CABLES1: variants seen among roughly 807,000 people sequenced by gnomAD.
The protein encoded by CABLES1 is Cdk5 and Abl enzyme substrate 1.
A neutral mutation model predicts 57.8 loss-of-function variants in CABLES1; 36 were observed. That is an observed-to-expected ratio of 0.62 (90% CI 0.48 to 0.82). CABLES1 has a LOEUF of 0.82. CABLES1 is among the 40% of genes least tolerant of loss of function. CABLES1 has a pLI of 0.00. For synonymous variants in CABLES1, 374 were observed against 363.0 expected, an observed-to-expected ratio of 1.03 and a Z score of -0.35; for missense variants, 767 against 836.6, an observed-to-expected ratio of 0.92 and a Z score of 1.03.
In CABLES1 at chr18:23,247,171, C is replaced by T. The variant is rs118154014; in HGVS notation, c.1447-5789C>T. On this transcript the variant is annotated intron_variant, in intron 7 of 9. Transcript: ENST00000256925. Reference sequence around the variant, plus strand: ...ACCCCCAGCACTAAAGAGAGGATGCCATCTCTTGGCATGGTTGGGAGGCCC... The same window carrying T: ...ACCCCCAGCACTAAAGAGAGGATGCTATCTCTTGGCATGGTTGGGAGGCCC... Among the ~76,000 whole-genome samples the T allele has an allele frequency of 5.1e-3, 771 of 152,368 alleles. 8 individuals carry two copies. The highest frequency in any genetic ancestry group is 0.023 in the South Asian group (112 of 4,826).
At chr18:23,188,743 A>G in intron 1 of CABLES1, 95 bp from the exon 2 acceptor site, 1 of 872,386 alleles carries the variant, frequency 1.1e-6, no homozygotes. Flanking sequence ...AACGGACTTC[A>G]TGTTTTTGTT....
Position 23,135,662 on chromosome 18 carries a change from C to T in CABLES1, c.-101C>T. 1.3e-5 allele frequency: 12 copies of T among 959,708 alleles called. No homozygotes were observed. The highest frequency in any genetic ancestry group is 1.5e-5 in the Non-Finnish European group (12 of 808,420). 59.4% of individuals were successfully genotyped at this position (959,708 alleles called of 1,614,324 possible). A position where few individuals can be genotyped will look rare whatever the true frequency, so the allele number is the denominator to read the frequency against. On this transcript the variant is annotated 5_prime_UTR_variant, in exon 1 of 10. Transcript: ENST00000256925. ...CCGCGCACGCCGCCCGATCCCCGCG[C>T]CCTACCCAGCCCGGGTCGCCGCCGC...
chr18:23,142,539 C>G (rs2046864040), intron 1 of CABLES1, among the ~76,000 whole-genome samples: 1 of 152,190 alleles, frequency 6.6e-6, no homozygotes, highest in South Asian at 2.1e-4. Flanking sequence ...CACAGAGTGA[C>G]CAGGGGGTGA....
chr18:23,236,575 G>A (rs999659418), intron 6 of CABLES1, among the ~76,000 whole-genome samples: 58 of 152,168 alleles, frequency 3.8e-4, no homozygotes, highest in African/African-American at 1.3e-3. Flanking sequence ...AAGCAGTGCC[G>A]TGTCTACTCT....
At chr18:23,205,192 T>TC (rs2047354332) in intron 3 of CABLES1, among the ~76,000 whole-genome samples, 1 of 142,808 alleles carries the variant, frequency 7.0e-6, no homozygotes, top group African/African-American at 2.6e-5. Context: ...TTTTTTTTTT[T>TC]TTTTTTTTTT....
chr18:23,196,031 A>G (rs1464712647), intron 3 of CABLES1, among the ~76,000 whole-genome samples: 2 of 152,224 alleles, frequency 1.3e-5, no homozygotes, highest in Non-Finnish European at 2.9e-5. Context: ...GCTAGCTGGC[A>G]CGGCACAAAG....
intron 7 of CABLES1, among the ~76,000 whole-genome samples, chr18:23,248,970 C>T (rs1358897151): frequency 6.6e-6 from 1 of 152,250 alleles, no homozygotes; most frequent in Non-Finnish European, 1.5e-5. Flanking sequence ...GCTGCAGCTG[C>T]CTGGGACCAG....
intron 4 of CABLES1, among the ~76,000 whole-genome samples, chr18:23,216,768 A>G (rs2047445310): frequency 6.6e-6 from 1 of 152,238 alleles, no homozygotes; most frequent in African/African-American, 2.4e-5. Flanking sequence ...CCTTGTGGAT[A>G]TGCGTGGCCC....
rs867309048 is a variant in CABLES1 at position 23,218,276 on chromosome 18, C to G, written c.1088+4222C>G. The stretch of plus-strand genomic sequence containing the variant: ...GCCTCCCACATCCTCACTTGCCCTG[C>G]CTCCCGCATCCTCACTTGCCCTGCC... On this transcript the variant is annotated intron_variant, in intron 4 of 9. Coordinates refer to ENST00000256925, the MANE Select transcript of CABLES1 (RefSeq NM_001100619.3). Among the ~76,000 whole-genome samples the G allele has an allele frequency of 3.6e-3, 515 of 144,506 alleles. 1 individual carries two copies. Among genetic ancestry groups the G allele is most frequent in the South Asian group, 6.7e-3 (30 of 4,456 alleles). The allele number at this position is 144,506 out of a possible 152,430, so 94.8% of individuals were successfully genotyped here. A position where few individuals can be genotyped will look rare whatever the true frequency, so the allele number is the denominator to read the frequency against.
chr18:23,237,803 A>G (rs906384858), intron 7 of CABLES1, among the ~76,000 whole-genome samples: 6 of 152,178 alleles, frequency 3.9e-5, no homozygotes, highest in Non-Finnish European at 8.8e-5. Flanking sequence ...TCGGCTGACC[A>G]CTGTTTCCCA....
intron 1 of CABLES1, among the ~76,000 whole-genome samples, chr18:23,139,235 C>G (rs2046842552): frequency 1.3e-5 from 2 of 151,904 alleles, no homozygotes; most frequent in South Asian, 2.1e-4. Flanking sequence ...AACCCCATCT[C>G]TACTAAAAAT....
At chr18:23,242,450 C>G (rs947802264) in intron 7 of CABLES1, among the ~76,000 whole-genome samples, 2 of 152,162 alleles carry the variant, frequency 1.3e-5, no homozygotes, top group African/African-American at 4.8e-5. Context: ...GCTTCCAGCT[C>G]TCTGCACCTC....
At chr18:23,253,658 G>C in intron 8 of CABLES1, 71 bp from the exon 9 acceptor site, 1 of 1,255,794 alleles carries the variant, frequency 8.0e-7, no homozygotes, top group Non-Finnish European at 1.1e-6. Context: ...CATTCAAGAT[G>C]GGGGAGTTTT....
At chr18:23,188,390 G>C (rs1474745397) in intron 1 of CABLES1, among the ~76,000 whole-genome samples, 1 of 152,142 alleles carries the variant, frequency 6.6e-6, no homozygotes, top group East Asian at 1.9e-4. Context: ...TAATGATTTT[G>C]AAGTTGTTTT....
intron 4 of CABLES1, among the ~76,000 whole-genome samples, chr18:23,231,636 TGTG>T (rs1372794068): frequency 6.6e-6 from 1 of 152,238 alleles, no homozygotes; most frequent in African/African-American, 2.4e-5. Flanking sequence ...CCGTCTTTCT[TGTG>T]GTCCCAAGTG....
chr18:23,197,731 T>G (rs1201186838), intron 3 of CABLES1: 1 of 152,190 alleles, frequency 6.6e-6, no homozygotes, highest in Non-Finnish European at 1.5e-5. Flanking sequence ...CAATTCTGCC[T>G]TAACAGAGAA....
chr18:23,198,954 G>A (rs1335536300), intron 3 of CABLES1, among the ~76,000 whole-genome samples: 1 of 152,242 alleles, frequency 6.6e-6, no homozygotes. Context: ...CCGAGAGTGG[G>A]AAGTAGAATT....
rs1180742137 is a variant in CABLES1 at position 23,136,545 on chromosome 18, C to T, written c.783C>T (p.Cys261=). 2 of 1,567,002 alleles carry T rather than the reference C, an allele frequency of 1.3e-6. No homozygotes were observed. The highest frequency in any genetic ancestry group is 2.8e-5 in the African/African-American group (2 of 72,558). The change falls in exon 1 of 10, where the codon TGC becomes TGT. Residue 261 remains cysteine, a synonymous_variant. Coordinates refer to ENST00000256925, the MANE Select transcript of CABLES1 (RefSeq NM_001100619.3). ...CCAGGCCGACTTCGCAGAACTACTG[C>T]TCCCTGGAGCAGCCAGGCCAGGGCG... is the stretch of plus-strand genomic sequence containing the variant. The part of the protein sequence containing the change: ...AFSRPTSQNY[C]SLEQPGQGGS...
chr18:23,198,778 G>A (rs1193126598), intron 3 of CABLES1, among the ~76,000 whole-genome samples: 1 of 152,240 alleles, frequency 6.6e-6, no homozygotes, highest in Non-Finnish European at 1.5e-5. Context: ...TCTCCCTACA[G>A]CCTCCCATGG....
Sources: gnomAD v4.1 joint callset for allele counts (sites outside exome capture counted in the v4.1 genomes callset) on GRCh38, gnomAD v4.1.1 for gene constraint, MANE v1.5 for transcripts, NCBI Gene and HGNC (gene_info 2026-07-23, HGNC 2026-07-21) for gene names.